NTRK3: variants seen among roughly 807,000 people sequenced by gnomAD.
The protein encoded by NTRK3 is neurotrophic receptor tyrosine kinase 3.
Under a neutral mutation model 91.7 loss-of-function variants are expected in NTRK3, and 24 were observed. The ratio of observed to expected loss-of-function variants is 0.26; its 90% CI spans 0.19 to 0.37. NTRK3 has a LOEUF of 0.37. NTRK3 is among the 10% of genes least tolerant of loss of function. NTRK3 has a pLI of 1.00. For synonymous variants in NTRK3, 483 were observed against 404.0 expected (o/e 1.20, Z -2.34); for missense variants, 880 against 1,068.9 (o/e 0.82, Z 2.46).
intron 10 of NTRK3, among the ~76,000 whole-genome samples, chr15:88,133,506 A>C (rs77029636): frequency 2.0e-5 from 3 of 152,104 alleles, no homozygotes; most frequent in Non-Finnish European, 2.9e-5. Flanking sequence ...AGGGTGCTTC[A>C]TTTCCTCACC....
At chr15:87,932,454 G>C (rs1328012691) in intron 16 of NTRK3, among the ~76,000 whole-genome samples, 1 of 152,142 alleles carries the variant, frequency 6.6e-6, no homozygotes, top group Non-Finnish European at 1.5e-5. Context: ...AGTGGCCATA[G>C]GTGGACACTG....
intron 13 of NTRK3, among the ~76,000 whole-genome samples, chr15:88,113,678 T>G (rs938643457): frequency 6.6e-6 from 1 of 152,172 alleles, no homozygotes; most frequent in Non-Finnish European, 1.5e-5. Context: ...GCAGGCCAAA[T>G]CTGGCCTGGC....
chr15:87,889,133 C>A (rs1468767990), intron 17 of NTRK3, among the ~76,000 whole-genome samples: 1 of 152,172 alleles, frequency 6.6e-6, no homozygotes, highest in Non-Finnish European at 1.5e-5. Context: ...GCTCTGCTAC[C>A]TTCTAGCTGT....
chr15:87,877,679 C>A (rs1034142963), intron 18 of NTRK3, among the ~76,000 whole-genome samples: 9 of 152,118 alleles, frequency 5.9e-5, no homozygotes, highest in African/African-American at 2.2e-4. Context: ...TGCAGCAAGA[C>A]CCATCCTTCC....
intron 3 of NTRK3, among the ~76,000 whole-genome samples, chr15:88,203,001 T>C (rs1204664779): frequency 6.6e-6 from 1 of 152,194 alleles, no homozygotes; most frequent in African/African-American, 2.4e-5. Context: ...TTTTTGATGC[T>C]AGCTGGCTCC....
intron 13 of NTRK3, among the ~76,000 whole-genome samples, chr15:88,062,905 C>T (rs1567320024): frequency 6.6e-6 from 1 of 152,248 alleles, no homozygotes. Flanking sequence ...AAAGGCCCCC[C>T]ATTCTAGAAT....
chr15:88,124,086 T>G (rs2053028864), intron 13 of NTRK3, among the ~76,000 whole-genome samples: 1 of 152,164 alleles, frequency 6.6e-6, no homozygotes, highest in African/African-American at 2.4e-5. Flanking sequence ...TTGCACTTAT[T>G]TATCCTAAAG....
intron 7 of NTRK3, 110 bp from the exon 8 acceptor site, chr15:88,136,719 T>A (rs1249267732): frequency 3.0e-6 from 4 of 1,316,822 alleles, no homozygotes; most frequent in Non-Finnish European, 4.2e-6. Context: ...GTAATGACTC[T>A]AACACCACCT....
chr15:88,069,881 G>A (rs902791329), intron 13 of NTRK3, among the ~76,000 whole-genome samples: 1 of 152,170 alleles, frequency 6.6e-6, no homozygotes, highest in Non-Finnish European at 1.5e-5. Context: ...AGAAATACAA[G>A]GTGCCTCCTC....
chr15:88,034,394 T>C (rs919167361), intron 13 of NTRK3, among the ~76,000 whole-genome samples: 3 of 152,212 alleles, frequency 2.0e-5, no homozygotes, highest in African/African-American at 7.2e-5. Context: ...AAGCCCAAGA[T>C]GGCAAAGATA....
At chr15:87,878,909 GT>G (rs2065085267) in intron 18 of NTRK3, among the ~76,000 whole-genome samples, 1 of 6,810 alleles carries the variant, frequency 1.5e-4, no homozygotes, top group Non-Finnish European at 3.9e-4. Flanking sequence ...CATGCATGGT[GT>G]GTGTGTGTGT....
intron 3 of NTRK3, among the ~76,000 whole-genome samples, chr15:88,191,435 G>A (rs1328283858): frequency 6.6e-6 from 1 of 152,188 alleles, no homozygotes; most frequent in African/African-American, 2.4e-5. Context: ...CAATCAGCCT[G>A]CCTAGGCCTC....
intron 5 of NTRK3, among the ~76,000 whole-genome samples, chr15:88,151,438 G>C (rs1234597896): frequency 3.9e-5 from 6 of 152,086 alleles, no homozygotes; most frequent in African/African-American, 7.2e-5. Context: ...TAATGAACAG[G>C]GGTCCTCCCA....
intron 17 of NTRK3, among the ~76,000 whole-genome samples, chr15:87,884,567 TA>T (rs2065430390): frequency 6.6e-6 from 1 of 151,738 alleles, no homozygotes; most frequent in Non-Finnish European, 1.5e-5. Context: ...TATATGTGTG[TA>T]AAACTATGTT....
chr15:87,973,186 T>TC (rs2073405861), intron 14 of NTRK3, among the ~76,000 whole-genome samples: 1 of 152,114 alleles, frequency 6.6e-6, no homozygotes, highest in African/African-American at 2.4e-5. Flanking sequence ...AAGGAAAATG[T>TC]GCCAAAATGA....
At chr15:88,050,277 C>A (rs1169346159) in intron 13 of NTRK3, among the ~76,000 whole-genome samples, 1 of 152,108 alleles carries the variant, frequency 6.6e-6, no homozygotes, top group Non-Finnish European at 1.5e-5. Context: ...GGGATTCCAA[C>A]AAGATGCTTC....
chr15:88,102,869 T>G (rs1393172310), intron 13 of NTRK3, among the ~76,000 whole-genome samples: 1 of 152,182 alleles, frequency 6.6e-6, no homozygotes, highest in Non-Finnish European at 1.5e-5. Context: ...AAAGGCCTGT[T>G]GCACAAAGGT....
intron 3 of NTRK3, among the ~76,000 whole-genome samples, chr15:88,206,676 A>G (rs1228704614): frequency 3.4e-5 from 5 of 148,754 alleles, no homozygotes; most frequent in Admixed American, 1.3e-4. Flanking sequence ...AAAAAAAAAA[A>G]ACAAACCTCT....
At chr15:88,058,195 G>T (rs2045896865) in intron 13 of NTRK3, among the ~76,000 whole-genome samples, 2 of 152,182 alleles carry the variant, frequency 1.3e-5, no homozygotes, top group Admixed American at 1.3e-4. Flanking sequence ...TTTGGCCAAA[G>T]GGGAAAGAGT....
Sources: gnomAD v4.1 joint callset for allele counts (sites outside exome capture counted in the v4.1 genomes callset) on GRCh38, gnomAD v4.1.1 for gene constraint, MANE v1.5 for transcripts, NCBI Gene and HGNC (gene_info 2026-07-23, HGNC 2026-07-21) for gene names.